SCHIP1: variants seen among roughly 807,000 people sequenced by gnomAD.
The protein encoded by SCHIP1 is schwannomin-interacting protein 1.
A neutral mutation model predicts 29.7 loss-of-function variants in SCHIP1; 8 were observed. The ratio of observed to expected loss-of-function variants is 0.27; its 90% confidence interval spans 0.16 to 0.49. The LOEUF (loss-of-function observed/expected upper bound fraction) is 0.49, where lower values mean the gene tolerates loss of function less well. SCHIP1 is among the 20% of genes least tolerant of loss of function. The pLI, the probability that SCHIP1 is intolerant of heterozygous loss-of-function variation, is 0.99. For synonymous variants in SCHIP1, 76 were observed against 94.9 expected (o/e 0.80, Z 1.16); for missense variants, 193 against 294.6 (o/e 0.66, Z 2.52).
At chr3:159,421,494 A>T in the SCHIP1 span, among the ~76,000 whole-genome samples, 47 of 152,238 alleles carry the variant, frequency 3.1e-4, no homozygotes, top group African/African-American at 1.1e-3. Context: ...ATGACTTTAT[A>T]CTATGAAAAA....
the SCHIP1 span, among the ~76,000 whole-genome samples, chr3:159,590,269 C>T: frequency 2.6e-4 from 39 of 152,158 alleles, no homozygotes; most frequent in African/African-American, 8.7e-4. Context: ...CCCAGCCCAG[C>T]GCATTAAAGA....
the SCHIP1 span, among the ~76,000 whole-genome samples, chr3:159,729,666 A>G: frequency 6.6e-6 from 1 of 152,356 alleles, no homozygotes; most frequent in African/African-American, 2.4e-5. Flanking sequence ...AATCTTGATA[A>G]AATGAAATGG....
chr3:159,295,578 A>G, the SCHIP1 span, among the ~76,000 whole-genome samples: 2 of 151,968 alleles, frequency 1.3e-5, no homozygotes, highest in African/African-American at 4.8e-5. Flanking sequence ...ATCCTCTCTC[A>G]TCCCTGCTTA....
the SCHIP1 span, among the ~76,000 whole-genome samples, chr3:159,599,206 G>A: frequency 5.3e-5 from 8 of 152,122 alleles, no homozygotes; most frequent in East Asian, 1.5e-3. Flanking sequence ...TTATTGATAT[G>A]TGAGGCTTTG....
At chr3:159,375,037 T>A in the SCHIP1 span, among the ~76,000 whole-genome samples, 1 of 152,260 alleles carries the variant, frequency 6.6e-6, no homozygotes, top group South Asian at 2.1e-4. Flanking sequence ...TCATATTAAA[T>A]GTCATTAAAA....
chr3:159,488,445 A>G, the SCHIP1 span, among the ~76,000 whole-genome samples: 8 of 152,194 alleles, frequency 5.3e-5, 1 homozygote, highest in East Asian at 5.8e-4. Flanking sequence ...TATGTACCCC[A>G]TAAATATATA....
chr3:159,372,985 T>C, the SCHIP1 span, among the ~76,000 whole-genome samples: 1 of 152,034 alleles, frequency 6.6e-6, no homozygotes, highest in Admixed American at 6.6e-5. Context: ...TTACTGTCAA[T>C]AGAGCACAAA....
At chr3:159,522,558 T>A in the SCHIP1 span, among the ~76,000 whole-genome samples, 3 of 152,318 alleles carry the variant, frequency 2.0e-5, no homozygotes, top group African/African-American at 7.2e-5. Context: ...TAGAAGCCTG[T>A]CTACTGTGGT....
At chr3:159,423,249 C>T in the SCHIP1 span, among the ~76,000 whole-genome samples, 2 of 152,182 alleles carry the variant, frequency 1.3e-5, no homozygotes, top group Non-Finnish European at 2.9e-5. Context: ...TGAAGCAGGG[C>T]GAGGCATTGC....
the SCHIP1 span, among the ~76,000 whole-genome samples, chr3:159,676,677 G>T: frequency 6.6e-6 from 1 of 152,172 alleles, no homozygotes; most frequent in Non-Finnish European, 1.5e-5. Context: ...TAGGAGAGGA[G>T]AAGTGGGACA....
At chr3:159,799,457 A>G in the SCHIP1 span, among the ~76,000 whole-genome samples, 997 of 152,340 alleles carry the variant, frequency 6.5e-3, 18 homozygotes, top group African/African-American at 0.023. Flanking sequence ...ATGTTTATCC[A>G]ATAAAAGTCT....
chr3:159,286,703 G>A, the SCHIP1 span, among the ~76,000 whole-genome samples: 16 of 152,264 alleles, frequency 1.1e-4, no homozygotes, highest in African/African-American at 3.6e-4. Flanking sequence ...GTGTGTAAGT[G>A]TTCCCTTTTC....
the SCHIP1 span, among the ~76,000 whole-genome samples, chr3:159,618,391 GAAC>G: frequency 6.6e-6 from 1 of 152,216 alleles, no homozygotes; most frequent in Non-Finnish European, 1.5e-5. Flanking sequence ...TTGTAGGCAT[GAAC>G]AACGATGAAC....
chr3:159,676,634 G>C, the SCHIP1 span, among the ~76,000 whole-genome samples: 1 of 151,732 alleles, frequency 6.6e-6, no homozygotes, highest in African/African-American at 2.4e-5. Context: ...CTCTAGCTGT[G>C]GACTAACCCT....
At chr3:159,452,393 A>G in the SCHIP1 span, among the ~76,000 whole-genome samples, 1 of 152,246 alleles carries the variant, frequency 6.6e-6, no homozygotes, top group African/African-American at 2.4e-5. Context: ...AAGTGAGAAC[A>G]TGCAGTGTTT....
chr3:159,704,626 T>C, the SCHIP1 span, among the ~76,000 whole-genome samples: 1 of 152,086 alleles, frequency 6.6e-6, no homozygotes, highest in African/African-American at 2.4e-5. Context: ...AATGAAAGAC[T>C]ATATATCATA....
At chr3:159,288,262 C>T in the SCHIP1 span, among the ~76,000 whole-genome samples, 1 of 152,146 alleles carries the variant, frequency 6.6e-6, no homozygotes, top group African/African-American at 2.4e-5. Context: ...TTACTTTTAG[C>T]AATATAATTT....
chr3:159,383,805 C>T, the SCHIP1 span, among the ~76,000 whole-genome samples: 1 of 150,996 alleles, frequency 6.6e-6, no homozygotes, highest in Non-Finnish European at 1.5e-5. Context: ...TTGTAGTTCT[C>T]CTTGAAGAGG....
chr3:159,444,120 G>A, the SCHIP1 span, among the ~76,000 whole-genome samples: 1 of 152,096 alleles, frequency 6.6e-6, no homozygotes, highest in South Asian at 2.1e-4. Flanking sequence ...TGGGAAGAGA[G>A]AAAAGGCAAT....
Sources: allele counts gnomAD v4.1 joint callset (sites outside exome capture counted in the v4.1 genomes callset), GRCh38; gene constraint gnomAD v4.1.1; transcripts MANE v1.5; gene names NCBI Gene and HGNC (gene_info 2026-07-23, HGNC 2026-07-21).